DAB1: variants seen among roughly 807,000 people sequenced by gnomAD.
DAB1 encodes the protein disabled homolog 1.
DAB1 carries 15 observed loss-of-function variants against 64.6 expected under a neutral mutation model. The ratio of observed to expected loss-of-function variants is 0.23; its 90% CI spans 0.16 to 0.36. The LOEUF is 0.36. DAB1 is among the 10% of genes least tolerant of loss of function. The pLI is 1.00. For missense variants in DAB1, 596 were observed against 706.7 expected (o/e 0.84, Z 1.78); for synonymous variants, 235 against 251.9 (o/e 0.93, Z 0.64).
chr1:57,387,496 A>G (rs918520075), intron 1 of DAB1: 1 of 148,524 alleles, frequency 6.7e-6, no homozygotes. Context: ...ACACACACAC[A>G]CGCTCCTCTT....
intron 5 of DAB1, among the ~76,000 whole-genome samples, chr1:57,978,524 GA>G (rs1645980471): frequency 1.3e-5 from 2 of 152,016 alleles, no homozygotes; most frequent in African/African-American, 4.8e-5. Flanking sequence ...TTCATGTCTA[GA>G]ACACCAAAAG....
chr1:58,003,658 T>C (rs1020212204), intron 5 of DAB1, among the ~76,000 whole-genome samples: 4 of 152,150 alleles, frequency 2.6e-5, no homozygotes, highest in Non-Finnish European at 4.4e-5. Flanking sequence ...TGCCTTCAAC[T>C]TAGATTGAAA....
chr1:57,962,638 G>A lies in DAB1; in HGVS notation n.388-78476C>T, dbSNP rs185328336. On this transcript the variant is annotated intron_variant and non_coding_transcript_variant, in intron 5 of 20. Coordinates refer to the DAB1 transcript ENST00000485760. ...TATAATCCTGGCACTTTGGGAGGTT[G>A]AGGTGGGAGAATCACTTGAGGCAAG... Among the ~76,000 whole-genome samples, 436 of 152,240 alleles carry A rather than the reference G, an allele frequency of 2.9e-3. 4 individuals carry two copies. Among genetic ancestry groups the A allele is most frequent in the African/African-American group, 9.6e-3 (400 of 41,548 alleles).
At chr1:57,971,295 A>G (rs1051575236) in intron 5 of DAB1, among the ~76,000 whole-genome samples, 2 of 152,200 alleles carry the variant, frequency 1.3e-5, no homozygotes, top group East Asian at 3.8e-4. Context: ...GCCTGTCTCT[A>G]CTTATGAGTG....
At position 57,783,787 on chromosome 1, in the gene DAB1, T is replaced by G. The variant is rs966398510; in HGVS notation, n.551+100212A>C. On this transcript the variant is annotated intron_variant and non_coding_transcript_variant, in intron 6 of 20. Coordinates refer to the DAB1 transcript ENST00000485760. ...ATCTGTAATCAGTGATCTTTGAAGT[T>G]ACTATTGTAATTGTTGTAGGGCACC... 2.0e-5 allele frequency among the ~76,000 whole-genome samples: 3 copies of G among 152,326 alleles called. No individual in the cohort carries two copies. The South Asian group carries it at 6.2e-4, about 32-fold the overall frequency.
intron 4 of DAB1, among the ~76,000 whole-genome samples, chr1:58,231,387 G>A (rs1659767993): frequency 6.6e-6 from 1 of 152,190 alleles, no homozygotes; most frequent in South Asian, 2.1e-4. Flanking sequence ...ACTCAGCAAA[G>A]GGAAATGACT....
intron 9 of DAB1, chr1:57,033,512 G>A (rs1333357081): frequency 1.9e-6 from 3 of 1,612,758 alleles, no homozygotes; most frequent in Admixed American, 3.3e-5. Context: ...AGAGAGGGCT[G>A]TAATTCTTAC....
intron 5 of DAB1, among the ~76,000 whole-genome samples, chr1:58,103,409 C>T (rs1390789362): frequency 1.3e-5 from 2 of 152,124 alleles, no homozygotes; most frequent in African/African-American, 2.4e-5. Flanking sequence ...CAACCTTTGT[C>T]TTCGTAGCAC....
At chr1:57,145,830 C>G (rs1260290748) in intron 2 of DAB1, among the ~76,000 whole-genome samples, 1 of 152,142 alleles carries the variant, frequency 6.6e-6, no homozygotes, top group South Asian at 2.1e-4. Flanking sequence ...ATATGAGCAC[C>G]GAGTCTCTGG....
chr1:58,188,873 T>C (rs767302314), intron 4 of DAB1, among the ~76,000 whole-genome samples: 22 of 152,200 alleles, frequency 1.4e-4, no homozygotes, highest in Non-Finnish European at 3.1e-4. Flanking sequence ...GGAAGTTTGC[T>C]TGTGTACCTG....
chr1:57,033,274 T>C, intron 9 of DAB1: 2 of 1,142,560 alleles, frequency 1.8e-6, no homozygotes, highest in Non-Finnish European at 2.6e-6. Context: ...AGGTACCTAC[T>C]AGAGCAGAGC....
chr1:58,541,306 A>C (rs1181541321), intron 1 of DAB1, among the ~76,000 whole-genome samples: 31 of 94,886 alleles, frequency 3.3e-4, no homozygotes, highest in African/African-American at 1.3e-3. Flanking sequence ...AAAAAAAAAA[A>C]AAAAAAAAAA....
intron 5 of DAB1, among the ~76,000 whole-genome samples, chr1:58,088,774 C>A (rs1650467617): frequency 6.6e-6 from 1 of 152,096 alleles, no homozygotes; most frequent in Non-Finnish European, 1.5e-5. Flanking sequence ...ACAATCTCAT[C>A]CTCAAGGAGC....
At chr1:58,295,918 C>A (rs1179255088) in intron 4 of DAB1, among the ~76,000 whole-genome samples, 1 of 151,652 alleles carries the variant, frequency 6.6e-6, no homozygotes, top group East Asian at 2.0e-4. Flanking sequence ...TGGTGAAATC[C>A]TGTCTTTATT....
intron 2 of DAB1, among the ~76,000 whole-genome samples, chr1:57,191,974 A>T (rs1225238921): frequency 6.6e-6 from 1 of 152,140 alleles, no homozygotes; most frequent in Non-Finnish European, 1.5e-5. Flanking sequence ...CTAATACCAC[A>T]AATATAATCG....
intron 5 of DAB1, among the ~76,000 whole-genome samples, chr1:58,044,568 T>G (rs183274107): frequency 6.6e-6 from 1 of 152,250 alleles, no homozygotes; most frequent in Admixed American, 6.5e-5. Flanking sequence ...AGAACTAATA[T>G]AATTATTGAC....
intron 9 of DAB1, among the ~76,000 whole-genome samples, chr1:57,038,083 T>A (rs1230426710): frequency 6.6e-6 from 1 of 152,218 alleles, no homozygotes; most frequent in Non-Finnish European, 1.5e-5. Context: ...CGACTCTAGA[T>A]AAAATATATT....
chr1:57,080,427 T>A (rs188600909), intron 4 of DAB1, among the ~76,000 whole-genome samples: 7 of 152,344 alleles, frequency 4.6e-5, no homozygotes, highest in African/African-American at 1.7e-4. Flanking sequence ...TAAATACTCA[T>A]GTCCTCTTTT....
At chr1:57,926,031 T>C (rs1644874889) in intron 5 of DAB1, among the ~76,000 whole-genome samples, 1 of 152,178 alleles carries the variant, frequency 6.6e-6, no homozygotes, top group South Asian at 2.1e-4. Flanking sequence ...TATTTAAAAA[T>C]ACATTACACG....
Sources: gnomAD v4.1 joint callset for allele counts (sites outside exome capture counted in the v4.1 genomes callset) on GRCh38, gnomAD v4.1.1 for gene constraint, MANE v1.5 for transcripts, NCBI Gene and HGNC (gene_info 2026-07-23, HGNC 2026-07-21) for gene names.